The following WDR27 variants were observed in gnomAD, a reference collection of about 807,000 sequenced individuals.
The protein encoded by WDR27 is WD repeat-containing protein 27.
Under a neutral mutation model 114.4 loss-of-function variants are expected in WDR27, and 100 were observed. That is an observed-to-expected ratio of 0.87 (90% CI 0.74 to 1.03). WDR27 has a LOEUF of 1.03. WDR27 is among the 50% of genes least tolerant of loss of function. The probability of loss-of-function intolerance (pLI) is 0.00; values close to 1 mark genes in which losing one functional copy is unlikely to be tolerated. For missense variants in WDR27, 1,129 were observed against 1,092.9 expected (o/e 1.03, Z -0.47); for synonymous variants, 449 against 423.1 (o/e 1.06, Z -0.75).
chr6:169,516,035 A>G (rs1793587964), intron 25 of WDR27, among the ~76,000 whole-genome samples: 1 of 152,162 alleles, frequency 6.6e-6, no homozygotes, highest in Admixed American at 6.5e-5. Context: ...ATAAATACAA[A>G]AATAGCTAAG....
the WDR27 span, among the ~76,000 whole-genome samples, chr6:169,451,283 CT>C: frequency 1.3e-5 from 2 of 152,204 alleles, no homozygotes; most frequent in African/African-American, 4.8e-5. Flanking sequence ...TGGAAGCCCC[CT>C]GCGCGCTTTG....
chr6:169,697,283 T>C (rs1786382797), intron 1 of WDR27, among the ~76,000 whole-genome samples: 1 of 152,118 alleles, frequency 6.6e-6, no homozygotes, highest in South Asian at 2.1e-4. Context: ...GAGCCTTCTG[T>C]TATGCCCAGA....
chr6:169,629,875 C>T (rs1584727010), intron 21 of WDR27, among the ~76,000 whole-genome samples: 1 of 143,232 alleles, frequency 7.0e-6, no homozygotes, highest in Admixed American at 7.3e-5. Flanking sequence ...TGCAGTGAGC[C>T]GAGATCACGC....
intron 17 of WDR27, among the ~76,000 whole-genome samples, chr6:169,639,809 G>A (rs1484687079): frequency 6.6e-6 from 1 of 152,154 alleles, no homozygotes; most frequent in East Asian, 1.9e-4. Flanking sequence ...GGCTGTCAGG[G>A]CAGGAGGCAT....
chr6:169,664,442 C>T (rs1339157125), intron 7 of WDR27, 156 bp from the exon 8 acceptor site: 2 of 1,498,698 alleles, frequency 1.3e-6, no homozygotes, highest in Non-Finnish European at 1.8e-6. Flanking sequence ...CTGCCTTCAA[C>T]ATCCCCTCTG....
intron 25 of WDR27, among the ~76,000 whole-genome samples, chr6:169,474,934 T>G (rs1786933778): frequency 6.6e-6 from 1 of 152,158 alleles, no homozygotes; most frequent in South Asian, 2.1e-4. Flanking sequence ...GAAATTCGGT[T>G]TCAGTTAGTG....
chr6:169,601,274 T>A (rs879808744), intron 23 of WDR27, among the ~76,000 whole-genome samples: 4 of 152,220 alleles, frequency 2.6e-5, no homozygotes, highest in Non-Finnish European at 5.9e-5. Flanking sequence ...AGAGATTCTG[T>A]CACCACCAGG....
intron 18 of WDR27, among the ~76,000 whole-genome samples, chr6:169,638,293 G>A (rs1210027784): frequency 8.3e-6 from 1 of 120,484 alleles, no homozygotes; most frequent in Non-Finnish European, 1.6e-5. Flanking sequence ...TCCGCAGTCC[G>A]ACCTGGGCGA....
At position 169,497,037 on chromosome 6, in the gene WDR27, T is replaced by C. The variant is rs180842324; in HGVS notation, c.2646-39403A>G. Among the ~76,000 whole-genome samples the C allele has an allele frequency of 4.6e-5, 7 of 152,164 alleles. No individual in the cohort carries two copies. In the East Asian group the frequency reaches 9.7e-4, roughly 21 times the overall value. ...GACCTACACTTTCTAATTTCACACA[T>C]TAATACAGAGCTACAGTAATCAAAA... On this transcript the variant is annotated intron_variant, in intron 25 of 25. Coordinates refer to ENST00000448612, the MANE Select transcript of WDR27 (RefSeq NM_182552.5).
intron 25 of WDR27, among the ~76,000 whole-genome samples, chr6:169,464,756 T>C (rs1180736501): frequency 6.6e-6 from 1 of 152,174 alleles, no homozygotes; most frequent in Admixed American, 6.5e-5. Context: ...AACAGCCCAA[T>C]TTAAACAATG....
At chr6:169,471,767 T>TA (rs1280510964) in intron 25 of WDR27, among the ~76,000 whole-genome samples, 3 of 152,192 alleles carry the variant, frequency 2.0e-5, no homozygotes, top group Non-Finnish European at 4.4e-5. Flanking sequence ...TGGGCTGCTA[T>TA]AAAAAATACC....
chr6:169,628,488 C>A (rs1815439927), intron 21 of WDR27, among the ~76,000 whole-genome samples: 1 of 152,184 alleles, frequency 6.6e-6, no homozygotes, highest in Admixed American at 6.5e-5. Context: ...TCAGTGCAAA[C>A]TTGCTGACCA....
At chr6:169,550,385 G>T (rs969900575) in intron 25 of WDR27, among the ~76,000 whole-genome samples, 3 of 151,942 alleles carry the variant, frequency 2.0e-5, no homozygotes, top group Non-Finnish European at 4.4e-5. Flanking sequence ...GTGTCATTCT[G>T]AGTTATTTTT....
chr6:169,690,304 T>G (rs192956457), intron 1 of WDR27, among the ~76,000 whole-genome samples: 222 of 152,366 alleles, frequency 1.5e-3, no homozygotes, highest in African/African-American at 5.0e-3. Flanking sequence ...GTGCTCCTCA[T>G]GCTGGCCCTG....
At chr6:169,699,166 T>C (rs1787123182) in intron 1 of WDR27, among the ~76,000 whole-genome samples, 2 of 152,074 alleles carry the variant, frequency 1.3e-5, no homozygotes, top group South Asian at 4.1e-4. Flanking sequence ...ACACACGGAA[T>C]TGGACTAGAG....
chr6:169,660,087 G>A (rs1482664106), intron 10 of WDR27, among the ~76,000 whole-genome samples: 1 of 150,374 alleles, frequency 6.7e-6, no homozygotes, highest in African/African-American at 2.5e-5. Flanking sequence ...GGAGAGGGAC[G>A]GAATCCAGCC....
intron 23 of WDR27, among the ~76,000 whole-genome samples, chr6:169,599,004 A>G (rs1322124492): frequency 6.6e-6 from 1 of 152,064 alleles, no homozygotes; most frequent in Non-Finnish European, 1.5e-5. Flanking sequence ...TTTTTTTATT[A>G]TACTTTAAGT....
rs929630192 is a variant in WDR27, at chr6:169,652,922, T to C, written c.1403-914A>G. ...TGACAAAAAGTTTAAAAATTCCACT[T>C]TTAAGGAGTGATCTAAATGAAGCGT... is the stretch of plus-strand genomic sequence containing the variant. On this transcript the variant is annotated intron_variant, in intron 13 of 25. Transcript: ENST00000448612. Among the ~76,000 whole-genome samples the C allele has an allele frequency of 3.3e-5, 5 of 152,192 alleles. No individual in the cohort carries two copies. In the East Asian group the frequency reaches 9.6e-4, roughly 29 times the overall value.
intron 23 of WDR27, among the ~76,000 whole-genome samples, chr6:169,589,993 G>A (rs193077877): frequency 6.6e-6 from 1 of 152,248 alleles, no homozygotes; most frequent in African/African-American, 2.4e-5. Flanking sequence ...CAAAAGATGA[G>A]GATGTGGCAT....
Sources: gnomAD v4.1 joint callset for allele counts (sites outside exome capture counted in the v4.1 genomes callset) on GRCh38, gnomAD v4.1.1 for gene constraint, MANE v1.5 for transcripts, NCBI Gene and HGNC (gene_info 2026-07-23, HGNC 2026-07-21) for gene names.